The following SHISA9 variants were observed in gnomAD, a reference collection of about 807,000 sequenced individuals.
SHISA9 encodes the protein protein shisa-9.
In SHISA9, 13 loss-of-function variants were observed where a neutral mutation model predicts 38.0. The ratio of observed to expected loss-of-function variants is 0.34; its 90% CI spans 0.22 to 0.54. The LOEUF (loss-of-function observed/expected upper bound fraction) is 0.54, where lower values mean the gene tolerates loss of function less well. Ranked by LOEUF, SHISA9 falls within the 20% of genes least tolerant of loss-of-function variation. The pLI is 0.91. For missense variants in SHISA9, 538 were observed against 575.8 expected (o/e 0.93, Z 0.67); for synonymous variants, 275 against 242.0 (o/e 1.14, Z -1.27).
chr16:13,522,719 C>T, the SHISA9 span, among the ~76,000 whole-genome samples: 23,329 of 152,118 alleles, frequency 0.15, 1,920 homozygotes, highest in Non-Finnish European at 0.19. Flanking sequence ...ACAGCCATCC[C>T]TTCCTTGAAA....
intron 2 of SHISA9, among the ~76,000 whole-genome samples, chr16:13,121,903 A>T (rs2050215197): frequency 6.6e-6 from 1 of 151,538 alleles, no homozygotes; most frequent in Non-Finnish European, 1.5e-5. Flanking sequence ...TACATAACAG[A>T]CATAATTAGC....
At chr16:13,404,921 G>C in the SHISA9 span, among the ~76,000 whole-genome samples, 4 of 152,148 alleles carry the variant, frequency 2.6e-5, no homozygotes, top group African/African-American at 9.7e-5. Flanking sequence ...TAGTCTACTT[G>C]TCCCTCTGGA....
At chr16:13,401,817 T>C in the SHISA9 span, among the ~76,000 whole-genome samples, 1 of 151,400 alleles carries the variant, frequency 6.6e-6, no homozygotes, top group African/African-American at 2.4e-5. Context: ...GAAAAAGAGG[T>C]TTAATGGACT....
chr16:12,928,176 A>AT (rs11361092), intron 2 of SHISA9, among the ~76,000 whole-genome samples: 11 of 151,040 alleles, frequency 7.3e-5, no homozygotes, highest in Admixed American at 2.6e-4. Context: ...CTTATCTTAT[A>AT]TTTTTTTTTT....
Position 13,052,270 on chromosome 16 carries a change from C to G in SHISA9, c.691+135455C>G, listed in dbSNP as rs915414174. 3.3e-5 allele frequency among the ~76,000 whole-genome samples: 5 copies of G among 152,316 alleles called. No individual in the cohort carries two copies. In the East Asian group the frequency reaches 9.6e-4, roughly 29 times the overall value. On this transcript the variant is annotated intron_variant, in intron 2 of 4. Transcript: ENST00000558583. ...TCTGCTTTTGTTAGTGATTTAGAGA[C>G]ATTTTCCCCCCTCCTTTCTGAATAT... is the stretch of plus-strand genomic sequence containing the variant.
chr16:13,514,818 G>A, the SHISA9 span, among the ~76,000 whole-genome samples: 11 of 151,944 alleles, frequency 7.2e-5, no homozygotes, highest in Admixed American at 3.9e-4. Context: ...GAAGAAAACC[G>A]CATCGATACA....
chr16:13,077,412 A>G (rs2073595743), intron 2 of SHISA9, among the ~76,000 whole-genome samples: 1 of 152,102 alleles, frequency 6.6e-6, no homozygotes, highest in Non-Finnish European at 1.5e-5. Flanking sequence ...TGCACACTCA[A>G]TTTCAAATTT....
chr16:13,553,860 C>T, the SHISA9 span, among the ~76,000 whole-genome samples: 1 of 152,142 alleles, frequency 6.6e-6, no homozygotes. Context: ...ATAAAATCTT[C>T]CAACTGGGGA....
At chr16:13,163,807 A>G (rs1365700730) in intron 2 of SHISA9, among the ~76,000 whole-genome samples, 1 of 152,124 alleles carries the variant, frequency 6.6e-6, no homozygotes, top group Non-Finnish European at 1.5e-5. Flanking sequence ...ATGCAAATAC[A>G]ACGGAGTTTG....
the SHISA9 span, among the ~76,000 whole-genome samples, chr16:13,498,606 C>T: frequency 4.6e-5 from 7 of 151,900 alleles, no homozygotes. Flanking sequence ...AAAATACAAA[C>T]ATTAGCCGAG....
At chr16:13,284,163 C>G in the SHISA9 span, among the ~76,000 whole-genome samples, 2 of 152,172 alleles carry the variant, frequency 1.3e-5, no homozygotes, top group Non-Finnish European at 2.9e-5. Flanking sequence ...TGTTGAGACT[C>G]CTGTTTTCTG....
the SHISA9 span, among the ~76,000 whole-genome samples, chr16:13,537,746 A>T: frequency 6.6e-6 from 1 of 152,214 alleles, no homozygotes; most frequent in South Asian, 2.1e-4. Flanking sequence ...TACCATATGT[A>T]AATTATATCT....
chr16:13,107,459 C>CA (rs978611589), intron 2 of SHISA9, among the ~76,000 whole-genome samples: 35 of 132,910 alleles, frequency 2.6e-4, no homozygotes, highest in Non-Finnish European at 1.1e-4. Flanking sequence ...AACAAACAAA[C>CA]AAAAAAACAA....
the SHISA9 span, among the ~76,000 whole-genome samples, chr16:13,540,370 A>G: frequency 6.6e-6 from 1 of 152,160 alleles, no homozygotes; most frequent in African/African-American, 2.4e-5. Context: ...CCGATTTGGC[A>G]GGCTAGAAGT....
At chr16:12,987,276 CA>C (rs1406253770) in intron 2 of SHISA9, among the ~76,000 whole-genome samples, 2 of 152,062 alleles carry the variant, frequency 1.3e-5, no homozygotes, top group Non-Finnish European at 2.9e-5. Context: ...GGAGTAACTT[CA>C]AAAAAGCAAT....
At chr16:13,291,821 T>C in the SHISA9 span, among the ~76,000 whole-genome samples, 1 of 152,126 alleles carries the variant, frequency 6.6e-6, no homozygotes, top group Admixed American at 6.6e-5. Flanking sequence ...TACTCTTATA[T>C]CATTAACACT....
At chr16:13,466,290 A>G in the SHISA9 span, among the ~76,000 whole-genome samples, 46,675 of 152,070 alleles carry the variant, frequency 0.31, 7,258 homozygotes, top group East Asian at 0.39. Context: ...GGCTGGGATG[A>G]TTGATCTGGA....
intron 2 of SHISA9, among the ~76,000 whole-genome samples, chr16:13,162,643 T>G (rs781374900): frequency 6.6e-6 from 1 of 152,210 alleles, no homozygotes; most frequent in African/African-American, 2.4e-5. Context: ...CTTGACAGTG[T>G]GTTACACACA....
chr16:13,218,285 AG>A (rs2051190567), intron 4 of SHISA9, among the ~76,000 whole-genome samples: 1 of 152,052 alleles, frequency 6.6e-6, no homozygotes. Flanking sequence ...AGAACATCTG[AG>A]TGTCGTGTCC....
Sources: allele counts gnomAD v4.1 joint callset (sites outside exome capture counted in the v4.1 genomes callset), GRCh38; gene constraint gnomAD v4.1.1; transcripts MANE v1.5; gene names NCBI Gene and HGNC (gene_info 2026-07-23, HGNC 2026-07-21).